Variants in ASCC3 observed in about 807,000 individuals in gnomAD.
ASCC3 encodes the protein activating signal cointegrator 1 complex subunit 3.
ASCC3 carries 158 observed loss-of-function variants against 256.3 expected under a neutral mutation model. The ratio of observed to expected loss-of-function variants is 0.62; its 90% confidence interval spans 0.54 to 0.70. ASCC3 has a LOEUF of 0.70. Among genes scored for constraint, ASCC3 ranks in the 30% least tolerant of loss-of-function variants. The probability of loss-of-function intolerance (pLI) is 0.00; values close to 1 mark genes in which losing one functional copy is unlikely to be tolerated. For synonymous variants in ASCC3, 948 were observed against 883.4 expected, an observed-to-expected ratio of 1.07 and a Z score of -1.30; for missense variants, 2,259 against 2,626.0, an observed-to-expected ratio of 0.86 and a Z score of 3.05.
intron 13 of ASCC3, among the ~76,000 whole-genome samples, chr6:100,688,713 C>T (rs1029331857): frequency 7.2e-5 from 11 of 152,110 alleles, no homozygotes; most frequent in Admixed American, 5.9e-4. Context: ...CCAACAATTA[C>T]GTGACAGGCA....
At chr6:100,854,439 G>A (rs1024941948) in intron 3 of ASCC3, among the ~76,000 whole-genome samples, 2 of 152,060 alleles carry the variant, frequency 1.3e-5, no homozygotes, top group African/African-American at 4.8e-5. Context: ...ATAGTAATTT[G>A]AAGGAGTTAC....
chr6:100,857,624 T>C (rs1159700352), intron 3 of ASCC3: 6 of 152,032 alleles, frequency 3.9e-5, no homozygotes, highest in Admixed American at 3.9e-4. Flanking sequence ...GTCTCACTAT[T>C]GTTTGGCCTT....
chr6:100,627,555 T>C, intron 29 of ASCC3, 35 bp downstream of exon 29: 5 of 1,611,526 alleles, frequency 3.1e-6, no homozygotes, highest in Non-Finnish European at 4.2e-6. Flanking sequence ...CCATAAACAA[T>C]GGTTACTATT....
At chr6:100,517,963 C>T (rs1774117792) in intron 38 of ASCC3, 28 bp downstream of exon 38, 1 of 1,608,472 alleles carries the variant, frequency 6.2e-7, no homozygotes, top group African/African-American at 1.3e-5. Context: ...CAAAACAAAA[C>T]AATTACATTG....
At chr6:100,590,399 A>G (rs1458003902) in intron 34 of ASCC3, among the ~76,000 whole-genome samples, 1 of 152,126 alleles carries the variant, frequency 6.6e-6, no homozygotes, top group Non-Finnish European at 1.5e-5. Flanking sequence ...AAGCCTAAAG[A>G]CATACATTTC....
chr6:100,509,108 C>T lies in ASCC3; in HGVS notation c.*278G>A, dbSNP rs144090369. 60 of 411,418 alleles carry T rather than the reference C, an allele frequency of 1.5e-4. No homozygotes were observed. The East Asian group carries it at 3.1e-3, about 21-fold the overall frequency. The allele number at this position is 411,418 out of a possible 1,614,324, so 25.5% of individuals were successfully genotyped here. ...TGATTGATAGCTCCTAAATATCATC[C>T]CAAATATACACAAATTAAAAGATTA... is the stretch of plus-strand genomic sequence containing the variant. On this transcript the variant is annotated 3_prime_UTR_variant, in exon 42 of 42. Coordinates refer to ENST00000369162, the MANE Select transcript of ASCC3 (RefSeq NM_006828.4).
intron 13 of ASCC3, among the ~76,000 whole-genome samples, chr6:100,703,473 G>A (rs1384093432): frequency 2.6e-5 from 4 of 151,950 alleles, no homozygotes; most frequent in African/African-American, 9.7e-5. Context: ...AGCTGAAAAT[G>A]AGCATTTATT....
chr6:100,617,563 C>A (rs1027896761), intron 30 of ASCC3, among the ~76,000 whole-genome samples: 1 of 152,080 alleles, frequency 6.6e-6, no homozygotes, highest in African/African-American at 2.4e-5. Context: ...CACCTCCTTG[C>A]CCCCCTCATT....
intron 30 of ASCC3, among the ~76,000 whole-genome samples, chr6:100,608,321 A>G (rs1773107655): frequency 9.5e-6 from 1 of 105,228 alleles, no homozygotes; most frequent in South Asian, 2.9e-4. Context: ...TACCTTATAT[A>G]TATACCTTAT....
At chr6:100,597,973 C>CACAAA (rs1772395231) in intron 34 of ASCC3, among the ~76,000 whole-genome samples, 1 of 88,048 alleles carries the variant, frequency 1.1e-5, no homozygotes, top group African/African-American at 4.2e-5. Context: ...GACTCCGTCT[C>CACAAA]AAAAAAAAAA....
At chr6:100,577,778 A>G in intron 36 of ASCC3, among the ~76,000 whole-genome samples, 1 of 151,872 alleles carries the variant, frequency 6.6e-6, no homozygotes, top group South Asian at 2.1e-4. Flanking sequence ...ACATACACAT[A>G]GGAAGTTTGT....
At chr6:100,612,333 A>T (rs1224029207) in intron 30 of ASCC3, among the ~76,000 whole-genome samples, 1 of 152,010 alleles carries the variant, frequency 6.6e-6, no homozygotes, top group African/African-American at 2.4e-5. Context: ...GTGCAGCCCA[A>T]TTCTGTCCTT....
chr6:100,669,226 A>G (rs969283694), intron 14 of ASCC3, among the ~76,000 whole-genome samples: 1 of 149,666 alleles, frequency 6.7e-6, no homozygotes, highest in African/African-American at 2.4e-5. Context: ...CTAAAAATGT[A>G]AAGAAATATA....
chr6:100,529,234 A>T lies in ASCC3; in HGVS notation c.5775+10929T>A, dbSNP rs111749128. 1.5e-3 allele frequency among the ~76,000 whole-genome samples: 234 copies of T among 152,286 alleles called. 2 individuals are homozygous for T. The Middle Eastern group carries it at 0.024, about 15-fold the overall frequency. On this transcript the variant is annotated intron_variant, in intron 37 of 41. Transcript: ENST00000369162. ...TTACCTTTTATTATAGGGCTATCTT[A>T]TAATTATGATGTTATTCTTCCTTCT...
chr6:100,629,102 T>C lies in ASCC3; in HGVS notation c.4288A>G (p.Lys1430Glu). 1 of 1,613,812 alleles carries C rather than the reference T, an allele frequency of 6.2e-7. No individual in the cohort carries two copies. The highest frequency in any genetic ancestry group is 8.5e-7 in the Non-Finnish European group (1 of 1,179,876). Residue 1430 changes from lysine (K) to glutamate (E), a missense_variant, in exon 27 of 42, where the codon AAG becomes GAG. Lys to Glu is a moderately conservative substitution (Grantham distance 56). Transcript: ENST00000369162. Reference sequence around the variant, plus strand: ...CAGCTTCTGCTGACTCCATCCCACTTCTCTGGCGTAGTGACGATAAGGTCA... The same window carrying C: ...CAGCTTCTGCTGACTCCATCCCACTCCTCTGGCGTAGTGACGATAAGGTCA... ...KADLIVTTPE[K>E]WDGVSRSWQN...
At chr6:100,837,450 G>A (rs1442507894) in intron 4 of ASCC3, among the ~76,000 whole-genome samples, 1 of 152,030 alleles carries the variant, frequency 6.6e-6, no homozygotes, top group Non-Finnish European at 1.5e-5. Flanking sequence ...ATTTACTGCA[G>A]TACTATTCAC....
At chr6:100,596,612 G>A (rs1402815081) in intron 34 of ASCC3, among the ~76,000 whole-genome samples, 1 of 152,034 alleles carries the variant, frequency 6.6e-6, no homozygotes, top group Non-Finnish European at 1.5e-5. Context: ...TAATTCTGCT[G>A]CTGCTGTTTT....
At position 100,508,664 on chromosome 6, in the gene ASCC3, G is replaced by C. The variant is rs971393882; in HGVS notation, c.*722C>G. On this transcript the variant is annotated 3_prime_UTR_variant, in exon 42 of 42. Coordinates refer to ENST00000369162, the MANE Select transcript of ASCC3 (RefSeq NM_006828.4). ...ATAAAGCCTTGAAGTAGAAGGGAAA[G>C]AAAAGAAGAACAGATGAGTAAGGGG... 6.6e-6 allele frequency: 1 copy of C among 152,134 alleles called. No individual in the cohort carries two copies. Among genetic ancestry groups the C allele is most frequent in the Non-Finnish European group, 1.5e-5 (1 of 68,000 alleles). The allele number at this position is 152,134 out of a possible 1,614,324, so 9.4% of individuals were successfully genotyped here.
At chr6:100,693,350 A>G (rs1777926077) in intron 13 of ASCC3, among the ~76,000 whole-genome samples, 1 of 152,084 alleles carries the variant, frequency 6.6e-6, no homozygotes, top group Non-Finnish European at 1.5e-5. Context: ...CTGAGAAAAA[A>G]TAACAAAACT....
Sources: allele counts gnomAD v4.1 joint callset (sites outside exome capture counted in the v4.1 genomes callset), GRCh38; gene constraint gnomAD v4.1.1; transcripts MANE v1.5; gene names NCBI Gene and HGNC (gene_info 2026-07-23, HGNC 2026-07-21).